FAM168A: variants seen among roughly 807,000 people sequenced by gnomAD.
FAM168A encodes family with sequence similarity 168 member A, also known as protein FAM168A.
In FAM168A, 3 loss-of-function variants were observed where a neutral mutation model predicts 28.5. The observed-to-expected ratio is 0.11, with a 90% CI of 0.05 to 0.27. The LOEUF (loss-of-function observed/expected upper bound fraction) is 0.27, where lower values mean the gene tolerates loss of function less well. FAM168A is among the 10% of genes least tolerant of loss of function. The pLI, the probability that FAM168A is intolerant of heterozygous loss-of-function variation, is 1.00. For synonymous variants in FAM168A, 122 were observed against 124.2 expected (o/e 0.98, Z 0.12); for missense variants, 222 against 311.5 (o/e 0.71, Z 2.16).
At chr11:73,424,796 T>C (rs550060868) in intron 3 of FAM168A, among the ~76,000 whole-genome samples, 1 of 152,326 alleles carries the variant, frequency 6.6e-6, no homozygotes, top group African/African-American at 2.4e-5. Context: ...TTTAGTGCCA[T>C]GATCCTTTGC....
chr11:73,433,004 T>G (rs1254216731), intron 2 of FAM168A, among the ~76,000 whole-genome samples: 1 of 151,170 alleles, frequency 6.6e-6, no homozygotes, highest in African/African-American at 2.4e-5. Flanking sequence ...TTCCAACTCA[T>G]GGGCTCAAGC....
chr11:73,595,025 T>C (rs1011075078), intron 1 of FAM168A, among the ~76,000 whole-genome samples: 8 of 152,002 alleles, frequency 5.3e-5, no homozygotes, highest in Non-Finnish European at 1.2e-4. Flanking sequence ...AAAAACACAT[T>C]ACTACTACAC....
At chr11:73,454,772 C>T (rs549255243) in intron 2 of FAM168A, among the ~76,000 whole-genome samples, 5 of 152,216 alleles carry the variant, frequency 3.3e-5, no homozygotes, top group South Asian at 2.1e-4. Flanking sequence ...AGCAAAACTT[C>T]GAAGAATCTG....
rs561950464 is a variant in FAM168A at position 73,496,916 on chromosome 11, C to T, written c.-18-28424G>A. 3.8e-3 allele frequency among the ~76,000 whole-genome samples: 565 copies of T among 147,918 alleles called. 1 individual carries two copies. The highest frequency in any genetic ancestry group is 6.9e-3 in the Middle Eastern group (2 of 288). The stretch of plus-strand genomic sequence containing the variant: ...ACACACACACACACACGCACACACA[C>T]GCACACACACACACAGTTTTAGGTC... On this transcript the variant is annotated intron_variant, in intron 1 of 7. Transcript: ENST00000356467.
intron 1 of FAM168A, among the ~76,000 whole-genome samples, chr11:73,566,439 G>A (rs1212379265): frequency 1.3e-5 from 2 of 152,144 alleles, no homozygotes; most frequent in Non-Finnish European, 2.9e-5. Context: ...GCAAGTTACA[G>A]ACAATGGTTT....
intron 2 of FAM168A, among the ~76,000 whole-genome samples, chr11:73,432,440 T>A (rs1308833495): frequency 7.1e-6 from 1 of 141,802 alleles, no homozygotes; most frequent in Non-Finnish European, 1.5e-5. Flanking sequence ...AACCCTTGTT[T>A]TATTATTATT....
intron 1 of FAM168A, among the ~76,000 whole-genome samples, chr11:73,566,665 T>C (rs1185559393): frequency 6.6e-6 from 1 of 152,158 alleles, no homozygotes; most frequent in African/African-American, 2.4e-5. Context: ...AACACAAGAT[T>C]TGGATTCAAG....
At chr11:73,504,935 A>G (rs1308385826) in intron 1 of FAM168A, among the ~76,000 whole-genome samples, 2 of 152,136 alleles carry the variant, frequency 1.3e-5, no homozygotes. Context: ...GTTCTCACTC[A>G]TAAGTGGGAG....
intron 1 of FAM168A, among the ~76,000 whole-genome samples, chr11:73,591,363 C>T (rs374532178): frequency 9.2e-5 from 14 of 152,122 alleles, no homozygotes; most frequent in African/African-American, 2.4e-4. Context: ...ATTCCTTATA[C>T]GACACAAATA....
chr11:73,416,816 C>T (rs940819057), intron 4 of FAM168A, among the ~76,000 whole-genome samples: 4 of 152,070 alleles, frequency 2.6e-5, no homozygotes, highest in African/African-American at 9.7e-5. Context: ...CATGGTTTTG[C>T]ATGCCTGTGG....
chr11:73,528,808 T>C (rs1943479901), intron 1 of FAM168A, among the ~76,000 whole-genome samples: 1 of 152,176 alleles, frequency 6.6e-6, no homozygotes, highest in African/African-American at 2.4e-5. Flanking sequence ...AATACTTTAC[T>C]GAGAGTCTTT....
intron 1 of FAM168A, among the ~76,000 whole-genome samples, chr11:73,582,903 T>C (rs1265932868): frequency 6.6e-6 from 1 of 152,138 alleles, no homozygotes; most frequent in South Asian, 2.1e-4. Flanking sequence ...GACCCAGCTA[T>C]GGGCAAAGAG....
At chr11:73,567,944 T>C (rs1944041393) in intron 1 of FAM168A, among the ~76,000 whole-genome samples, 2 of 152,206 alleles carry the variant, frequency 1.3e-5, no homozygotes, top group South Asian at 2.1e-4. Context: ...TTATAAGAGA[T>C]AAATGTCCAT....
intron 2 of FAM168A, among the ~76,000 whole-genome samples, chr11:73,449,670 G>A (rs1369903198): frequency 6.6e-6 from 1 of 152,182 alleles, no homozygotes; most frequent in Admixed American, 6.5e-5. Flanking sequence ...GTCAGGTCTT[G>A]ACTCTTTGCC....
At position 73,455,029 on chromosome 11, in the gene FAM168A, G is replaced by C. The variant is rs996741236; in HGVS notation, c.70+13376C>G. Among the ~76,000 whole-genome samples, 8 of 152,218 alleles carry C rather than the reference G, an allele frequency of 5.3e-5. No homozygotes were observed. In the East Asian group the frequency reaches 1.5e-3, roughly 29 times the overall value. The stretch of plus-strand genomic sequence containing the variant: ...GGTGGAAGGCAGCCTCACACAAAAA[G>C]GCAAAGAGCCCACTGGGCTGTTAAC... On this transcript the variant is annotated intron_variant, in intron 2 of 7. Coordinates refer to ENST00000356467, the MANE Select transcript of FAM168A (RefSeq NM_015159.3).
At chr11:73,563,008 T>C (rs1328527039) in intron 1 of FAM168A, among the ~76,000 whole-genome samples, 1 of 152,200 alleles carries the variant, frequency 6.6e-6, no homozygotes, top group East Asian at 1.9e-4. Flanking sequence ...TCGTGACCAG[T>C]ATTTCTAATG....
intron 1 of FAM168A, among the ~76,000 whole-genome samples, chr11:73,588,966 A>G (rs59809325): frequency 0.018 from 2,747 of 152,260 alleles, 67 homozygotes; most frequent in African/African-American, 0.055. Context: ...CCATGTGAGG[A>G]AACATCGAGA....
At chr11:73,506,526 C>T (rs1050999151) in intron 1 of FAM168A, among the ~76,000 whole-genome samples, 1 of 152,160 alleles carries the variant, frequency 6.6e-6, no homozygotes, top group Non-Finnish European at 1.5e-5. Flanking sequence ...AAATCTATTA[C>T]AGGAAATCAT....
At chr11:73,568,521 A>T (rs577981194) in intron 1 of FAM168A, among the ~76,000 whole-genome samples, 1 of 152,356 alleles carries the variant, frequency 6.6e-6, no homozygotes, top group South Asian at 2.1e-4. Context: ...CTATGACATG[A>T]CTGTATTTGA....
Sources: allele counts gnomAD v4.1 joint callset (sites outside exome capture counted in the v4.1 genomes callset), GRCh38; gene constraint gnomAD v4.1.1; transcripts MANE v1.5; gene names NCBI Gene and HGNC (gene_info 2026-07-23, HGNC 2026-07-21).